DPP6: variants seen among roughly 807,000 people sequenced by gnomAD.
The protein encoded by DPP6 is A-type potassium channel modulatory protein DPP6.
DPP6 carries 69 observed loss-of-function variants against 122.6 expected under a neutral mutation model. That is an observed-to-expected ratio of 0.56 (90% CI 0.46 to 0.69). The LOEUF (loss-of-function observed/expected upper bound fraction) is 0.69, where lower values mean the gene tolerates loss of function less well. Among genes scored for constraint, DPP6 ranks in the 30% least tolerant of loss-of-function variants. DPP6 has a pLI of 0.00. For missense variants in DPP6, 928 were observed against 1,116.9 expected, an observed-to-expected ratio of 0.83 and a Z score of 2.41; for synonymous variants, 418 against 433.1, an observed-to-expected ratio of 0.97 and a Z score of 0.43.
At chr7:153,833,529 C>G in the DPP6 span, among the ~76,000 whole-genome samples, 2 of 152,152 alleles carry the variant, frequency 1.3e-5, no homozygotes, top group African/African-American at 4.8e-5. Flanking sequence ...CAAAAATTAG[C>G]CAGCGTGGTG....
intron 3 of DPP6, among the ~76,000 whole-genome samples, chr7:154,495,932 G>C (rs952094901): frequency 2.6e-5 from 4 of 152,282 alleles, no homozygotes; most frequent in African/African-American, 9.6e-5. Flanking sequence ...TGTCAGAGCT[G>C]AGTGCTGTGG....
At chr7:154,491,891 C>T (rs540030934) in intron 3 of DPP6, among the ~76,000 whole-genome samples, 1 of 152,114 alleles carries the variant, frequency 6.6e-6, no homozygotes, top group Non-Finnish European at 1.5e-5. Flanking sequence ...TCCCTTCCAG[C>T]GTTAAGTTCC....
At chr7:154,272,152 C>T (rs1163895537) in intron 1 of DPP6, among the ~76,000 whole-genome samples, 2 of 152,192 alleles carry the variant, frequency 1.3e-5, no homozygotes. Flanking sequence ...AGCACAGTGC[C>T]TTGAACTGAA....
intron 1 of DPP6, among the ~76,000 whole-genome samples, chr7:154,437,276 A>G (rs1417270113): frequency 6.6e-6 from 1 of 152,256 alleles, no homozygotes; most frequent in Non-Finnish European, 1.5e-5. Flanking sequence ...ACATGGATCT[A>G]ATGAATAGAT....
intron 1 of DPP6, among the ~76,000 whole-genome samples, chr7:153,888,201 G>A (rs1027530437): frequency 6.6e-6 from 1 of 152,208 alleles, no homozygotes; most frequent in African/African-American, 2.4e-5. Context: ...CGGAGCCTTC[G>A]GTGCTCTCGG....
chr7:153,770,072 T>C, the DPP6 span, among the ~76,000 whole-genome samples: 1 of 152,136 alleles, frequency 6.6e-6, no homozygotes, highest in African/African-American at 2.4e-5. Flanking sequence ...AGATGCTGCC[T>C]GAGGGAGGGG....
intron 1 of DPP6, among the ~76,000 whole-genome samples, chr7:154,324,869 T>TTTTTA (rs1554518351): frequency 7.1e-6 from 1 of 140,624 alleles, no homozygotes; most frequent in Admixed American, 7.3e-5. Flanking sequence ...CTTTTGTTAT[T>TTTTTA]TTTTTTTTTT....
intron 16 of DPP6, among the ~76,000 whole-genome samples, chr7:154,852,832 T>A (rs1363501813): frequency 6.6e-6 from 1 of 152,160 alleles, no homozygotes; most frequent in African/African-American, 2.4e-5. Flanking sequence ...CACATGGTCA[T>A]GGAGGGGAGT....
At chr7:153,861,870 T>C in the DPP6 span, among the ~76,000 whole-genome samples, 7 of 152,192 alleles carry the variant, frequency 4.6e-5, no homozygotes, top group Non-Finnish European at 7.3e-5. Flanking sequence ...CAAACGGCAA[T>C]TTAGTGGTAG....
chr7:154,082,846 C>CTTTCTTTTTTTTTTTTTTT (rs1260484862), intron 1 of DPP6, among the ~76,000 whole-genome samples: 1 of 106,276 alleles, frequency 9.4e-6, no homozygotes, highest in African/African-American at 4.0e-5. Context: ...TTTTCTTTTT[C>CTTTCTTTTTTTTTTTTTTT]TTTTTTTTTT....
At chr7:154,814,446 C>T (rs1282702166) in intron 16 of DPP6, among the ~76,000 whole-genome samples, 1 of 152,090 alleles carries the variant, frequency 6.6e-6, no homozygotes, top group African/African-American at 2.4e-5. Flanking sequence ...GTGTATTCAC[C>T]CGCAGACCAA....
intron 1 of DPP6, among the ~76,000 whole-genome samples, chr7:154,158,613 C>G (rs1796816612): frequency 6.6e-6 from 1 of 151,866 alleles, no homozygotes; most frequent in African/African-American, 2.4e-5. Context: ...TTCATTTAGT[C>G]TCTGTCTTTA....
chr7:154,780,716 A>G (rs1188095554), intron 10 of DPP6, among the ~76,000 whole-genome samples: 1 of 152,244 alleles, frequency 6.6e-6, no homozygotes, highest in Admixed American at 6.5e-5. Flanking sequence ...ATTTCATGGC[A>G]TCTGCAGGAA....
intron 6 of DPP6, among the ~76,000 whole-genome samples, chr7:154,659,496 A>T (rs1837480685): frequency 6.6e-6 from 1 of 152,242 alleles, no homozygotes; most frequent in African/African-American, 2.4e-5. Context: ...GCATTTATGG[A>T]ATATCTGCTA....
chr7:154,468,153 T>C (rs899614879), intron 2 of DPP6, among the ~76,000 whole-genome samples: 13 of 152,240 alleles, frequency 8.5e-5, no homozygotes, highest in African/African-American at 3.1e-4. Context: ...ATTCTGTACG[T>C]ATTACAACAT....
the DPP6 span, among the ~76,000 whole-genome samples, chr7:153,795,260 G>A: frequency 0.019 from 2,850 of 152,178 alleles, 76 homozygotes; most frequent in African/African-American, 0.065. Flanking sequence ...ACTAAAATAC[G>A]AAAAATTAGC....
Position 153,911,517 on chromosome 7 carries a change from A to G in DPP6, c.51+23783A>G, listed in dbSNP as rs527771737. Among the ~76,000 whole-genome samples, 3 of 152,242 alleles carry G rather than the reference A, an allele frequency of 2.0e-5. No individual in the cohort carries two copies. In the South Asian group the frequency reaches 6.2e-4, roughly 32 times the overall value. On this transcript the variant is annotated intron_variant, in intron 1 of 25. Transcript: ENST00000404039. The stretch of plus-strand genomic sequence containing the variant: ...TAGATGGAATGAATTAATGTGGGGG[A>G]GGAGTTGTTCAGAATGTGATTTAAT...
intron 20 of DPP6, 137 bp from the exon 21 acceptor site, chr7:154,880,751 G>A (rs1805321759): frequency 2.1e-6 from 3 of 1,424,050 alleles, no homozygotes; most frequent in Middle Eastern, 1.8e-4. Context: ...TAATTATATT[G>A]GAATGCTAAG....
At chr7:154,701,250 C>T (rs1472509491) in intron 7 of DPP6, among the ~76,000 whole-genome samples, 1 of 152,202 alleles carries the variant, frequency 6.6e-6, no homozygotes, top group Non-Finnish European at 1.5e-5. Context: ...CTGGGCTTTC[C>T]AGGCCTTTCT....
Sources: gnomAD v4.1 joint callset for allele counts (sites outside exome capture counted in the v4.1 genomes callset) on GRCh38, gnomAD v4.1.1 for gene constraint, MANE v1.5 for transcripts, NCBI Gene and HGNC (gene_info 2026-07-23, HGNC 2026-07-21) for gene names.